THSD7A: variants seen among roughly 807,000 people sequenced by gnomAD.
THSD7A encodes the protein thrombospondin type-1 domain-containing protein 7A.
THSD7A carries 96 observed loss-of-function variants against 231.3 expected under a neutral mutation model. The observed-to-expected ratio is 0.41, with a 90% CI of 0.35 to 0.49. The LOEUF (loss-of-function observed/expected upper bound fraction) is 0.49. Ranked by LOEUF, THSD7A falls within the 20% of genes least tolerant of loss-of-function variation. The pLI is 0.05. For missense variants in THSD7A, 2,290 were observed against 2,070.2 expected (o/e 1.11, Z -2.06); for synonymous variants, 940 against 743.3 (o/e 1.26, Z -4.30).
intron 1 of THSD7A, among the ~76,000 whole-genome samples, chr7:11,763,130 A>C (rs977153202): frequency 2.0e-5 from 3 of 152,170 alleles, no homozygotes; most frequent in African/African-American, 4.8e-5. Flanking sequence ...TTGCCATAGC[A>C]CTAAAGGCCA....
chr7:11,490,228 T>C (rs896488745), intron 6 of THSD7A, among the ~76,000 whole-genome samples: 3 of 152,112 alleles, frequency 2.0e-5, no homozygotes, highest in Non-Finnish European at 4.4e-5. Context: ...ATTCCGGAGA[T>C]AGAACCCATT....
chr7:11,601,614 C>G (rs116624487), intron 2 of THSD7A, among the ~76,000 whole-genome samples: 3 of 152,164 alleles, frequency 2.0e-5, no homozygotes, highest in African/African-American at 7.2e-5. Context: ...CTGAACTGTG[C>G]TGCATGGACA....
intron 4 of THSD7A, among the ~76,000 whole-genome samples, chr7:11,559,399 G>C (rs902581294): frequency 1.3e-5 from 2 of 152,116 alleles, no homozygotes; most frequent in Admixed American, 1.3e-4. Flanking sequence ...ATGTAAGTTG[G>C]TGGAGGGTTA....
chr7:11,748,845 C>A (rs146932171), intron 1 of THSD7A, among the ~76,000 whole-genome samples: 1 of 151,860 alleles, frequency 6.6e-6, no homozygotes, highest in Non-Finnish European at 1.5e-5. Flanking sequence ...TCTTTGGAGT[C>A]GCACGTTGTT....
At chr7:11,823,361 T>C (rs533470077) in intron 1 of THSD7A, among the ~76,000 whole-genome samples, 1 of 152,252 alleles carries the variant, frequency 6.6e-6, no homozygotes, top group African/African-American at 2.4e-5. Context: ...TATAGCCTCA[T>C]AATATAATTT....
intron 4 of THSD7A, among the ~76,000 whole-genome samples, chr7:11,546,211 C>CACACACACACACACACACACAT (rs1789388703): frequency 6.9e-6 from 1 of 145,382 alleles, no homozygotes; most frequent in Non-Finnish European, 1.5e-5. Context: ...CGCTCACACA[C>CACACACACACACACACACACAT]ACACACACAC....
intron 1 of THSD7A, among the ~76,000 whole-genome samples, chr7:11,777,494 C>T (rs2128173397): frequency 6.6e-6 from 1 of 151,752 alleles, no homozygotes; most frequent in African/African-American, 2.4e-5. Flanking sequence ...AATTATAGAC[C>T]AGCATCTACA....
chr7:11,457,142 C>T (rs767369463), intron 11 of THSD7A, among the ~76,000 whole-genome samples: 2 of 151,962 alleles, frequency 1.3e-5, no homozygotes, highest in Non-Finnish European at 2.9e-5. Flanking sequence ...TTTATAACTT[C>T]AGCAATTCAC....
chr7:11,668,975 G>A (rs1334341264), intron 1 of THSD7A, among the ~76,000 whole-genome samples: 1 of 152,150 alleles, frequency 6.6e-6, no homozygotes, highest in Non-Finnish European at 1.5e-5. Flanking sequence ...TTCTAGTCGA[G>A]TGTGCTGTTG....
intron 1 of THSD7A, among the ~76,000 whole-genome samples, chr7:11,724,374 T>A (rs1159005757): frequency 2.0e-5 from 3 of 151,914 alleles, no homozygotes; most frequent in Non-Finnish European, 4.4e-5. Context: ...ACATATCCCT[T>A]TATTAAACAC....
At chr7:11,768,404 C>T (rs190508389) in intron 1 of THSD7A, among the ~76,000 whole-genome samples, 63 of 152,276 alleles carry the variant, frequency 4.1e-4, no homozygotes, top group Non-Finnish European at 1.6e-4. Flanking sequence ...TAACAATTGG[C>T]ATGCAATCTT....
At chr7:11,698,931 A>C (rs1340983804) in intron 1 of THSD7A, among the ~76,000 whole-genome samples, 2 of 150,474 alleles carry the variant, frequency 1.3e-5, no homozygotes, top group East Asian at 4.0e-4. Context: ...ATGATTTAAA[A>C]TATAAGCATA....
intron 8 of THSD7A, 80 bp from the exon 9 acceptor site, chr7:11,470,074 T>A (rs1299740722): frequency 9.9e-7 from 1 of 1,014,682 alleles, no homozygotes; most frequent in Non-Finnish European, 1.5e-6. Flanking sequence ...GAATTTTCAC[T>A]GGTAAAATTG....
At chr7:11,454,735 A>T (rs2128296571) in intron 11 of THSD7A, among the ~76,000 whole-genome samples, 1 of 152,092 alleles carries the variant, frequency 6.6e-6, no homozygotes, top group African/African-American at 2.4e-5. Context: ...GCCTAGTACC[A>T]TGAAGGCAAT....
At chr7:11,509,654 A>T (rs1787708042) in intron 6 of THSD7A, among the ~76,000 whole-genome samples, 1 of 151,214 alleles carries the variant, frequency 6.6e-6, no homozygotes, top group Admixed American at 6.6e-5. Flanking sequence ...CCCCGTCTCT[A>T]TTAAAAATAC....
intron 1 of THSD7A, among the ~76,000 whole-genome samples, chr7:11,795,819 A>C (rs1010569698): frequency 7.9e-5 from 12 of 151,646 alleles, no homozygotes; most frequent in African/African-American, 2.9e-4. Context: ...GACAGGAGCA[A>C]AAATATGGGA....
chr7:11,707,727 C>CA (rs1454297006), intron 1 of THSD7A, among the ~76,000 whole-genome samples: 2 of 150,842 alleles, frequency 1.3e-5, no homozygotes, highest in Non-Finnish European at 3.0e-5. Context: ...CAGCAGTGTG[C>CA]AGTACACTCT....
chr7:11,688,063 C>G (rs1293956943), intron 1 of THSD7A, among the ~76,000 whole-genome samples: 1 of 135,056 alleles, frequency 7.4e-6, no homozygotes, highest in East Asian at 2.6e-4. Context: ...CTCCCCCCTC[C>G]CCCACCCCAC....
chr7:11,407,322 T>C lies in THSD7A; in HGVS notation c.3900A>G (p.Gln1300=). The part of the protein sequence containing the change: ...SDWSPWSECS[Q]TCGLTGKMIR... Reference sequence around the variant, plus strand: ...CAAACAAACCTGTGAGGCCACATGTTTGAGAACATTCTGACCAAGGAGACC... The same window carrying C: ...CAAACAAACCTGTGAGGCCACATGTCTGAGAACATTCTGACCAAGGAGACC... The change falls in exon 20 of 28, where the codon CAA becomes CAG. Residue 1300 remains glutamine (Q), a synonymous_variant. Coordinates refer to ENST00000423059, the MANE Select transcript of THSD7A (RefSeq NM_015204.3). 6.2e-7 allele frequency: 1 copy of C among 1,613,306 alleles called. No homozygotes were observed.
Sources: allele counts gnomAD v4.1 joint callset (sites outside exome capture counted in the v4.1 genomes callset), GRCh38; gene constraint gnomAD v4.1.1; transcripts MANE v1.5; gene names NCBI Gene and HGNC (gene_info 2026-07-23, HGNC 2026-07-21).